The following COL4A3 variants were observed in gnomAD, a reference collection of about 807,000 sequenced individuals.
The protein encoded by COL4A3 is collagen alpha-3(IV) chain.
A neutral mutation model predicts 217.4 loss-of-function variants in COL4A3; 135 were observed. The ratio of observed to expected loss-of-function variants is 0.62; its 90% CI spans 0.54 to 0.72. The LOEUF is 0.72. Among genes scored for constraint, COL4A3 ranks in the 30% least tolerant of loss-of-function variants. The pLI is 0.00. For missense variants in COL4A3, 1,868 were observed against 2,119.9 expected, an observed-to-expected ratio of 0.88 and a Z score of 2.33; for synonymous variants, 690 against 736.3, an observed-to-expected ratio of 0.94 and a Z score of 1.02.
chr2:227,229,917 G>A (rs552802309), intron 1 of COL4A3, among the ~76,000 whole-genome samples: 3 of 152,052 alleles, frequency 2.0e-5, no homozygotes, highest in African/African-American at 4.8e-5. Context: ...TGGGCGTGGT[G>A]GTGGGCGCCT....
Position 227,280,951 on chromosome 2 carries a change from G to T in COL4A3, c.2433G>T (p.Glu811Asp). Residue 811 changes from glutamate to aspartate, a missense_variant, in exon 31 of 52, where the codon GAG becomes GAT. By Grantham distance (45) the Glu-to-Asp change is conservative (BLOSUM62 2). Around this residue, in one of 2 missense-constraint regions of COL4A3, gnomAD observed 1,503 missense variants for 1,786.1 expected, o/e 0.84. Coordinates refer to ENST00000396578, the MANE Select transcript of COL4A3 (RefSeq NM_000091.5). ...AAGGACCCCCAGGAAGGTGCATAGA[G>T]GGTCCCAGGGGAGCCCAAGGACTTC... ...GEQGPPGRCI[E>D]GPRGAQGLPG... The T allele has an allele frequency of 6.4e-7, 1 of 1,568,464 alleles. No homozygotes were observed. Among genetic ancestry groups the T allele is most frequent in the Non-Finnish European group, 8.7e-7 (1 of 1,156,034 alleles).
chr2:227,312,719 A>C lies in COL4A3; in HGVS notation c.*849A>C, dbSNP rs1297387828. 6.6e-6 allele frequency: 1 copy of C among 152,638 alleles called. No homozygotes were observed. The highest frequency in any genetic ancestry group is 1.5e-5 in the Non-Finnish European group (1 of 68,038). The allele number at this position is 152,638 out of a possible 1,614,324, so 9.5% of individuals were successfully genotyped here. On this transcript the variant is annotated 3_prime_UTR_variant, in exon 52 of 52. Transcript: ENST00000396578. ...CAGCATACCCACACAAATAACAAGA[A>C]TACTACTTATGAAATGTGCACTTTA...
Position 227,180,477 on chromosome 2 carries a change from G to T in COL4A3, c.87+15664G>T, listed in dbSNP as rs998765630. Among the ~76,000 whole-genome samples, 4 of 152,160 alleles carry T rather than the reference G, an allele frequency of 2.6e-5. No individual in the cohort carries two copies. The East Asian group carries it at 7.7e-4, about 29-fold the overall frequency. On this transcript the variant is annotated intron_variant, in intron 1 of 51. Coordinates refer to ENST00000396578, the MANE Select transcript of COL4A3 (RefSeq NM_000091.5). Reference sequence around the variant, plus strand: ...CATTCAGAGCCCATGTGACCTGAATGAGCAGCATCCCCACACCCTACAAGG... The same window carrying T: ...CATTCAGAGCCCATGTGACCTGAATTAGCAGCATCCCCACACCCTACAAGG...
chr2:227,266,715 T>C (rs1421596447), intron 22 of COL4A3, among the ~76,000 whole-genome samples: 1 of 152,224 alleles, frequency 6.6e-6, no homozygotes, highest in Admixed American at 6.5e-5. Flanking sequence ...CCCTAAAATG[T>C]GAGTTTTTGC....
chr2:227,280,872 T>C (rs1184324450), intron 30 of COL4A3, 21 bp from the exon 31 acceptor site: 2 of 1,501,996 alleles, frequency 1.3e-6, no homozygotes, highest in South Asian at 1.2e-5. Context: ...CCTGGGTATA[T>C]ACTTGTGCTT....
chr2:227,298,542 T>A, intron 42 of COL4A3, 140 bp from the exon 43 acceptor site: 1 of 1,238,584 alleles, frequency 8.1e-7, no homozygotes. Flanking sequence ...TTTACCACAA[T>A]CCCATCACAT....
chr2:227,237,996 G>T lies in COL4A3; in HGVS notation c.116G>T (p.Cys39Phe). The change falls in exon 2 of 52, where the codon TGC becomes TTC. Residue 39 changes from cysteine to phenylalanine, a missense_variant. Around this residue, in one of 2 missense-constraint regions of COL4A3, gnomAD observed 365 missense variants for 333.8 expected, o/e 1.09. Transcript: ENST00000396578. The part of the protein sequence containing the change: ...KGCVCKDKGQ[C>F]FCDGAKGEKG... ...TGTGTCTGTAAAGACAAAGGCCAGT[G>T]CTTCTGTGACGGGGCCAAAGGGGAG... The T allele has an allele frequency of 6.2e-7, 1 of 1,610,856 alleles. No individual in the cohort carries two copies. Among genetic ancestry groups the T allele is most frequent in the Non-Finnish European group, 8.5e-7 (1 of 1,177,244 alleles).
At chr2:227,309,390 G>C (rs1257606127) in intron 50 of COL4A3, 72 bp downstream of exon 50, 1 of 1,196,506 alleles carries the variant, frequency 8.4e-7, no homozygotes, top group African/African-American at 1.5e-5. Flanking sequence ...TGGGTAAAAT[G>C]TGATTCCCAG....
chr2:227,232,136 G>A (rs2068442611), intron 1 of COL4A3, among the ~76,000 whole-genome samples: 1 of 152,148 alleles, frequency 6.6e-6, no homozygotes, highest in South Asian at 2.1e-4. Context: ...CAAATGACTT[G>A]ATCTCCTTCT....
intron 1 of COL4A3, among the ~76,000 whole-genome samples, chr2:227,217,800 G>A (rs1056189492): frequency 6.6e-6 from 1 of 152,048 alleles, no homozygotes; most frequent in African/African-American, 2.4e-5. Context: ...ACCATCACCT[G>A]TGATGGGGCC....
chr2:227,246,706 C>G lies in COL4A3; in HGVS notation c.409C>G (p.Leu137Val). The change falls in exon 7 of 52, where the codon CTC (leucine) becomes GTC (valine). Residue 137 changes from leucine to valine, a missense_variant. Leu to Val is a conservative substitution (Grantham distance 32). Coordinates refer to ENST00000396578, the MANE Select transcript of COL4A3 (RefSeq NM_000091.5). The stretch of plus-strand genomic sequence containing the variant: ...TTAGGGTGAGCAGGGGTTTCCAGGA[C>G]TCCCAGGGACACTGGGCTACCCAGG... ...GSKGEQGFPGLPGTLGYPGIP... is the reference protein window; with the variant it reads ...GSKGEQGFPGVPGTLGYPGIP... 1 of 1,612,582 alleles carries G rather than the reference C, an allele frequency of 6.2e-7. No homozygotes were observed. The highest frequency in any genetic ancestry group is 8.5e-7 in the Non-Finnish European group (1 of 1,178,740).
intron 5 of COL4A3, chr2:227,245,718 A>C: frequency 1.7e-6 from 1 of 575,792 alleles, no homozygotes; most frequent in Non-Finnish European, 3.1e-6. Context: ...TTATGGATAA[A>C]AGGCGTTTGC....
chr2:227,298,535 A>C (rs888449238), intron 42 of COL4A3, 147 bp from the exon 43 acceptor site: 1 of 1,186,840 alleles, frequency 8.4e-7, no homozygotes, highest in Non-Finnish European at 1.2e-6. Flanking sequence ...TCCTGTCTTT[A>C]CCACAATCCC....
intron 1 of COL4A3, among the ~76,000 whole-genome samples, chr2:227,211,882 TC>T (rs2125790946): frequency 6.6e-6 from 1 of 152,232 alleles, no homozygotes; most frequent in South Asian, 2.1e-4. Flanking sequence ...GGTCTTGAAC[TC>T]CTGACCTCAC....
At chr2:227,185,209 CTT>C (rs1326487531) in intron 1 of COL4A3, among the ~76,000 whole-genome samples, 1 of 152,118 alleles carries the variant, frequency 6.6e-6, no homozygotes, top group Non-Finnish European at 1.5e-5. Flanking sequence ...CCTCACTGGA[CTT>C]TTGGCATTAG....
intron 16 of COL4A3, 96 bp downstream of exon 16, chr2:227,256,166 A>C: frequency 1.5e-6 from 2 of 1,345,504 alleles, no homozygotes; most frequent in Non-Finnish European, 2.1e-6. Flanking sequence ...ATAAACAAAC[A>C]AAAAGCTTAC....
intron 1 of COL4A3, among the ~76,000 whole-genome samples, chr2:227,183,667 A>G (rs1018477279): frequency 6.6e-6 from 1 of 152,174 alleles, no homozygotes; most frequent in Non-Finnish European, 1.5e-5. Flanking sequence ...GGACACCAGA[A>G]AACAGAGTGA....
chr2:227,279,936 T>C (rs1215288997), intron 29 of COL4A3, 46 bp downstream of exon 29: 17 of 1,354,132 alleles, frequency 1.3e-5, no homozygotes, highest in African/African-American at 2.9e-5. Context: ...TGGGTGACCA[T>C]TAACTGGCCA....
intron 3 of COL4A3, among the ~76,000 whole-genome samples, chr2:227,242,098 G>A (rs1191620855): frequency 6.6e-6 from 1 of 152,060 alleles, no homozygotes; most frequent in Non-Finnish European, 1.5e-5. Flanking sequence ...GACCCCATAG[G>A]GTAAGGGCTC....
Sources: gnomAD v4.1 joint callset for allele counts (sites outside exome capture counted in the v4.1 genomes callset) on GRCh38, gnomAD v4.1.1 for gene constraint, gnomAD v4.1.1 regional missense constraint, MANE v1.5 for transcripts, NCBI Gene and HGNC (gene_info 2026-07-23, HGNC 2026-07-21) for gene names.